ARB2A: variants seen among roughly 807,000 people sequenced by gnomAD.
The protein encoded by ARB2A is cotranscriptional regulator ARB2A.
chr5:93,958,925 C>A, the ARB2A span: 4 of 1,606,088 alleles, frequency 2.5e-6, no homozygotes, highest in Non-Finnish European at 3.4e-6. Flanking sequence ...AGCATCCTCA[C>A]TCATAAAGAT....
chr5:93,758,655 A>G, the ARB2A span, among the ~76,000 whole-genome samples: 1 of 152,196 alleles, frequency 6.6e-6, no homozygotes, highest in Non-Finnish European at 1.5e-5. Context: ...ATTGGGTCAA[A>G]AACAAAATCA....
the ARB2A span, among the ~76,000 whole-genome samples, chr5:93,656,455 G>A: frequency 6.6e-6 from 1 of 152,108 alleles, no homozygotes; most frequent in African/African-American, 2.4e-5. Context: ...TTTTAACTGT[G>A]TATTTGGTTA....
the ARB2A span, among the ~76,000 whole-genome samples, chr5:94,063,460 A>G: frequency 6.6e-6 from 1 of 152,106 alleles, no homozygotes; most frequent in Non-Finnish European, 1.5e-5. Context: ...CATAGCCCAT[A>G]CCATACCCAC....
At chr5:93,839,792 G>C in the ARB2A span, among the ~76,000 whole-genome samples, 1 of 151,974 alleles carries the variant, frequency 6.6e-6, no homozygotes, top group African/African-American at 2.4e-5. Flanking sequence ...ATTTCTTCCA[G>C]GTTTGCTAGT....
chr5:94,010,747 C>A, the ARB2A span, among the ~76,000 whole-genome samples: 7 of 151,742 alleles, frequency 4.6e-5, no homozygotes, highest in African/African-American at 1.7e-4. Context: ...AAATATAGAA[C>A]CACCAAAAAG....
the ARB2A span, among the ~76,000 whole-genome samples, chr5:93,800,048 C>T: frequency 6.6e-6 from 1 of 151,774 alleles, no homozygotes. Flanking sequence ...AAAAAATCAA[C>T]CTAGGATAAT....
chr5:93,655,430 C>G, the ARB2A span, among the ~76,000 whole-genome samples: 1 of 152,160 alleles, frequency 6.6e-6, no homozygotes, highest in Non-Finnish European at 1.5e-5. Context: ...TCACTATGGT[C>G]AATAACTCTG....
chr5:93,926,222 C>T, the ARB2A span, among the ~76,000 whole-genome samples: 81 of 151,980 alleles, frequency 5.3e-4, no homozygotes, highest in African/African-American at 8.7e-4. Context: ...CTCTGCCTCC[C>T]GGTTTCAAGT....
the ARB2A span, among the ~76,000 whole-genome samples, chr5:94,094,068 C>T: frequency 2.6e-5 from 4 of 152,146 alleles, no homozygotes; most frequent in African/African-American, 9.7e-5. Flanking sequence ...TTTTCCAGTT[C>T]CAAAGCCACA....
chr5:93,905,101 T>C, the ARB2A span, among the ~76,000 whole-genome samples: 2 of 151,736 alleles, frequency 1.3e-5, no homozygotes, highest in Admixed American at 1.3e-4. Context: ...CCCAAGTCTA[T>C]GGGAAGACAA....
chr5:93,805,920 G>A, the ARB2A span: 3 of 985,060 alleles, frequency 3.0e-6, 1 homozygote, highest in Non-Finnish European at 2.4e-6. Flanking sequence ...ATCATGAGTT[G>A]CTGTGAAATA....
the ARB2A span, chr5:93,740,969 A>C: frequency 6.2e-7 from 1 of 1,613,866 alleles, no homozygotes; most frequent in East Asian, 2.2e-5. Flanking sequence ...ATTTTGCATA[A>C]GCCCAGAAGG....
the ARB2A span, among the ~76,000 whole-genome samples, chr5:93,695,657 C>A: frequency 2.0e-5 from 3 of 152,088 alleles, no homozygotes; most frequent in Non-Finnish European, 4.4e-5. Flanking sequence ...ACCAGAAATA[C>A]CATTTGACCC....
At chr5:93,708,911 T>C in the ARB2A span, among the ~76,000 whole-genome samples, 1 of 152,208 alleles carries the variant, frequency 6.6e-6, no homozygotes, top group Non-Finnish European at 1.5e-5. Flanking sequence ...ATATAAAGTT[T>C]AGGTATAAGA....
the ARB2A span, among the ~76,000 whole-genome samples, chr5:93,955,152 A>C: frequency 1.3e-5 from 2 of 152,134 alleles, no homozygotes; most frequent in African/African-American, 4.8e-5. Flanking sequence ...GTTTTTATGA[A>C]GGTGCTTTTT....
chr5:93,907,674 T>C, the ARB2A span, among the ~76,000 whole-genome samples: 1 of 151,446 alleles, frequency 6.6e-6, no homozygotes, highest in Non-Finnish European at 1.5e-5. Flanking sequence ...ACCAGTAAAG[T>C]CGTAATTGTG....
At chr5:93,888,183 A>C in the ARB2A span, among the ~76,000 whole-genome samples, 1 of 151,892 alleles carries the variant, frequency 6.6e-6, no homozygotes, top group Non-Finnish European at 1.5e-5. Context: ...TTACTTATGG[A>C]AAGATTCTAT....
the ARB2A span, among the ~76,000 whole-genome samples, chr5:93,915,237 T>C: frequency 5.6e-3 from 854 of 152,032 alleles, 5 homozygotes; most frequent in East Asian, 8.9e-3. Context: ...AACCAAGCAA[T>C]TGGGCTCTTC....
At chr5:93,814,982 C>A in the ARB2A span, among the ~76,000 whole-genome samples, 1 of 152,068 alleles carries the variant, frequency 6.6e-6, no homozygotes, top group South Asian at 2.1e-4. Context: ...GGACTACAGG[C>A]ATGTGCCACC....
Sources: gnomAD v4.1 joint callset for allele counts (sites outside exome capture counted in the v4.1 genomes callset) on GRCh38, gnomAD v4.1.1 for gene constraint, MANE v1.5 for transcripts, NCBI Gene and HGNC (gene_info 2026-07-23, HGNC 2026-07-21) for gene names.